CERS3: variants seen among roughly 807,000 people sequenced by gnomAD.
CERS3 encodes LAG1 homolog, ceramide synthase 3.
CERS3 carries 33 observed loss-of-function variants against 50.3 expected under a neutral mutation model. The observed-to-expected ratio is 0.66, with a 90% CI of 0.50 to 0.88. The LOEUF (loss-of-function observed/expected upper bound fraction) is 0.88. CERS3 is among the 40% of genes least tolerant of loss of function. The pLI, the probability that CERS3 is intolerant of heterozygous loss-of-function variation, is 0.00. For synonymous variants in CERS3, 176 were observed against 155.2 expected (o/e 1.13, Z -0.99); for missense variants, 470 against 460.3 (o/e 1.02, Z -0.19).
At chr15:100,413,703 A>T (rs7165148) in intron 11 of CERS3, among the ~76,000 whole-genome samples, 2 of 150,316 alleles carry the variant, frequency 1.3e-5, no homozygotes, top group Non-Finnish European at 3.0e-5. Flanking sequence ...ACACTCATAC[A>T]TTTGGTTAGA....
At chr15:100,409,889 T>C (rs1249821092) in intron 11 of CERS3, among the ~76,000 whole-genome samples, 2 of 152,132 alleles carry the variant, frequency 1.3e-5, no homozygotes, top group African/African-American at 4.8e-5. Context: ...TGGACCTGGG[T>C]GTCAGCAGCC....
chr15:100,530,194 G>A (rs1454869569), upstream of CERS3, among the ~76,000 whole-genome samples: 1 of 152,240 alleles, frequency 6.6e-6, no homozygotes, highest in East Asian at 1.9e-4. Flanking sequence ...TCTGCCAGGA[G>A]ACCACTGCAG....
intron 5 of CERS3, among the ~76,000 whole-genome samples, chr15:100,482,413 T>C (rs1049973651): frequency 1.3e-5 from 2 of 151,942 alleles, no homozygotes; most frequent in Non-Finnish European, 1.5e-5. Flanking sequence ...GGACGCTGCA[T>C]AGAGTGGGCC....
chr15:100,405,527 C>T (rs2030951074), intron 11 of CERS3, among the ~76,000 whole-genome samples: 1 of 152,146 alleles, frequency 6.6e-6, no homozygotes, highest in African/African-American at 2.4e-5. Flanking sequence ...AAACTGTTGA[C>T]ATTTATAAGA....
At chr15:100,503,913 G>C (rs1409141644) in intron 2 of CERS3, 8 of 363,286 alleles carry the variant, frequency 2.2e-5, no homozygotes, top group Admixed American at 6.6e-5. Flanking sequence ...TGATGGGGAA[G>C]AAAGAAAACT....
At chr15:100,419,863 A>G (rs1170732847) in intron 11 of CERS3, among the ~76,000 whole-genome samples, 5 of 147,468 alleles carry the variant, frequency 3.4e-5, no homozygotes, top group African/African-American at 1.3e-4. Context: ...AGGCAGAAAT[A>G]AAGATGTTCT....
chr15:100,454,511 T>C (rs564763729), intron 11 of CERS3, among the ~76,000 whole-genome samples: 51 of 151,974 alleles, frequency 3.4e-4, no homozygotes, highest in Non-Finnish European at 5.4e-4. Flanking sequence ...ATGCAGAAGA[T>C]TGAAACTAGA....
intron 11 of CERS3, among the ~76,000 whole-genome samples, chr15:100,441,963 C>T (rs1343199643): frequency 6.6e-6 from 1 of 152,006 alleles, no homozygotes; most frequent in African/African-American, 2.4e-5. Context: ...AGCTAGGTCC[C>T]AATTCTTCCT....
chr15:100,426,767 C>G (rs968119573), intron 11 of CERS3, among the ~76,000 whole-genome samples: 1 of 152,192 alleles, frequency 6.6e-6, no homozygotes, highest in African/African-American at 2.4e-5. Context: ...CCTCAGCTGT[C>G]TAACAGTCTT....
At chr15:100,465,783 C>G (rs1024786440) in intron 10 of CERS3, among the ~76,000 whole-genome samples, 1 of 151,964 alleles carries the variant, frequency 6.6e-6, no homozygotes, top group Non-Finnish European at 1.5e-5. Flanking sequence ...CTCAGCCTCC[C>G]GAGTAGCTGG....
At chr15:100,470,682 A>G (rs1044481811) in intron 9 of CERS3, among the ~76,000 whole-genome samples, 2 of 152,198 alleles carry the variant, frequency 1.3e-5, no homozygotes, top group African/African-American at 4.8e-5. Flanking sequence ...TGGATTGTGT[A>G]ATGATGAAAT....
At chr15:100,446,270 G>GT (rs59232599) in intron 11 of CERS3, among the ~76,000 whole-genome samples, 22,868 of 140,884 alleles carry the variant, frequency 0.16, 1,928 homozygotes, top group Admixed American at 0.24. Flanking sequence ...TTCAATGAAA[G>GT]TTTTTTTTTT....
At chr15:100,415,202 G>C (rs550030435) in intron 11 of CERS3, among the ~76,000 whole-genome samples, 2 of 152,324 alleles carry the variant, frequency 1.3e-5, no homozygotes, top group African/African-American at 4.8e-5. Context: ...TTAGAGAACT[G>C]CAAATCAAAA....
At chr15:100,524,789 T>C (rs2142394933) in intron 1 of CERS3, among the ~76,000 whole-genome samples, 1 of 152,354 alleles carries the variant, frequency 6.6e-6, no homozygotes, top group East Asian at 1.9e-4. Flanking sequence ...TTGCTTAAAT[T>C]TTGAAATGAT....
intron 2 of CERS3, chr15:100,503,827 G>A (rs72759164): frequency 0.059 from 26,693 of 453,154 alleles, 1,067 homozygotes; most frequent in Admixed American, 0.13. Flanking sequence ...AGAGCAGTGG[G>A]GACCAGAGGG....
chr15:100,447,370 G>C (rs2033983819), intron 11 of CERS3, among the ~76,000 whole-genome samples: 1 of 152,164 alleles, frequency 6.6e-6, no homozygotes, highest in Non-Finnish European at 1.5e-5. Flanking sequence ...CCTACTTCCA[G>C]TTGTCTTGCC....
intron 11 of CERS3, among the ~76,000 whole-genome samples, chr15:100,406,370 C>T (rs1209857318): frequency 6.6e-6 from 1 of 152,166 alleles, no homozygotes; most frequent in Non-Finnish European, 1.5e-5. Context: ...TTGTGACCTG[C>T]AGACTAAAAC....
chr15:100,472,385 T>C (rs1053785310), intron 9 of CERS3, among the ~76,000 whole-genome samples: 3 of 152,158 alleles, frequency 2.0e-5, no homozygotes, highest in Non-Finnish European at 2.9e-5. Flanking sequence ...AGGAAGACTC[T>C]TGTTTTAATG....
intron 11 of CERS3, among the ~76,000 whole-genome samples, chr15:100,417,192 T>C (rs950896145): frequency 6.0e-5 from 9 of 151,174 alleles, no homozygotes; most frequent in African/African-American, 2.2e-4. Flanking sequence ...CACTAGGGAG[T>C]GCCAGACAGT....
Sources: allele counts gnomAD v4.1 joint callset (sites outside exome capture counted in the v4.1 genomes callset), GRCh38; gene constraint gnomAD v4.1.1; transcripts MANE v1.5; gene names NCBI Gene and HGNC (gene_info 2026-07-23, HGNC 2026-07-21).